The following LRBA variants were observed in gnomAD, a reference collection of about 807,000 sequenced individuals.
The protein encoded by LRBA is lipopolysaccharide-responsive and beige-like anchor protein.
LRBA carries 176 observed loss-of-function variants against 330.0 expected under a neutral mutation model. The ratio of observed to expected loss-of-function variants is 0.53; its 90% CI spans 0.47 to 0.60. LRBA has a LOEUF of 0.60. Among genes scored for constraint, LRBA ranks in the 20% least tolerant of loss-of-function variants. LRBA has a pLI of 0.00. For synonymous variants in LRBA, 1,230 were observed against 1,193.0 expected, an observed-to-expected ratio of 1.03 and a Z score of -0.64; for missense variants, 3,259 against 3,444.8, an observed-to-expected ratio of 0.95 and a Z score of 1.35.
chr4:150,876,067 T>G (rs1456477119), intron 17 of LRBA, among the ~76,000 whole-genome samples: 1 of 152,082 alleles, frequency 6.6e-6, no homozygotes, highest in African/African-American at 2.4e-5. Context: ...AAAACTCACT[T>G]AAGAAATTAC....
intron 17 of LRBA, among the ~76,000 whole-genome samples, chr4:150,874,842 T>C (rs1357219290): frequency 6.6e-6 from 1 of 152,166 alleles, no homozygotes. Flanking sequence ...TGCAGCAAGA[T>C]GCACAGGCAG....
chr4:150,854,727 AAG>A (rs1468784749), intron 22 of LRBA, among the ~76,000 whole-genome samples: 1 of 152,198 alleles, frequency 6.6e-6, no homozygotes, highest in Non-Finnish European at 1.5e-5. Flanking sequence ...GTAAAAAGAA[AAG>A]AGTTTCAGGC....
chr4:150,871,337 A>G lies in LRBA; in HGVS notation c.2367+8T>C. On this transcript the variant is annotated splice_region_variant and intron_variant, in intron 19 of 56. Coordinates refer to ENST00000651943, the MANE Select transcript of LRBA (RefSeq NM_001364905.1). ...ATTTAGAGGAGTAAATCCTAAGTAC[A>G]TTCCTACCTCAAACAGCACATTATA... 6.5e-7 allele frequency: 1 copy of G among 1,528,402 alleles called. No individual in the cohort carries two copies. Among genetic ancestry groups the G allele is most frequent in the Non-Finnish European group, 9.0e-7 (1 of 1,105,120 alleles). The allele number at this position is 1,528,402 out of a possible 1,614,324, so 94.7% of individuals were successfully genotyped here. A position where few individuals can be genotyped will look rare whatever the true frequency, so the allele number is the denominator to read the frequency against.
intron 22 of LRBA, among the ~76,000 whole-genome samples, chr4:150,865,872 C>T (rs1167385600): frequency 2.6e-5 from 4 of 152,038 alleles, no homozygotes; most frequent in South Asian, 2.1e-4. Flanking sequence ...CACGCCACCA[C>T]GCCTGGCTAA....
intron 47 of LRBA, among the ~76,000 whole-genome samples, chr4:150,394,256 T>C (rs1312227461): frequency 6.6e-6 from 1 of 152,198 alleles, no homozygotes; most frequent in East Asian, 1.9e-4. Flanking sequence ...TAGCTAATAC[T>C]GAAGCTCTGG....
intron 37 of LRBA, among the ~76,000 whole-genome samples, chr4:150,617,804 C>T (rs1007462132): frequency 1.3e-5 from 2 of 151,720 alleles, no homozygotes; most frequent in East Asian, 2.0e-4. Flanking sequence ...ATCACAAAGA[C>T]ACATTAAAAT....
intron 40 of LRBA, among the ~76,000 whole-genome samples, chr4:150,500,565 C>T (rs561216894): frequency 2.2e-4 from 34 of 152,090 alleles, no homozygotes; most frequent in Admixed American, 9.2e-4. Context: ...GCAGCAAGAG[C>T]GAGACTCTGT....
chr4:150,585,387 G>A (rs966217767), intron 40 of LRBA, among the ~76,000 whole-genome samples: 21 of 152,084 alleles, frequency 1.4e-4, no homozygotes, highest in African/African-American at 4.8e-4. Flanking sequence ...AAACAAAAAA[G>A]GTTTTCATAC....
At chr4:150,592,144 GTTTTTTTTTT>G (rs10685627) in intron 38 of LRBA, among the ~76,000 whole-genome samples, 5 of 65,190 alleles carry the variant, frequency 7.7e-5, no homozygotes, top group East Asian at 6.4e-4. Context: ...GATGGCTAGG[GTTTTTTTTTT>G]TTTTTTTTTT....
At chr4:150,757,328 A>G (rs1371018080) in intron 35 of LRBA, among the ~76,000 whole-genome samples, 1 of 152,220 alleles carries the variant, frequency 6.6e-6, no homozygotes, top group African/African-American at 2.4e-5. Flanking sequence ...CTAGAACAAC[A>G]TCAGCAGTTT....
chr4:150,617,227 C>T (rs749935885), intron 37 of LRBA, among the ~76,000 whole-genome samples: 1 of 152,186 alleles, frequency 6.6e-6, no homozygotes, highest in Non-Finnish European at 1.5e-5. Flanking sequence ...TATGAACTAT[C>T]TCAAAAAACC....
At chr4:150,867,112 TAAAAA>T (rs202028551) in intron 22 of LRBA, among the ~76,000 whole-genome samples, 2 of 122,772 alleles carry the variant, frequency 1.6e-5, no homozygotes, top group African/African-American at 6.0e-5. Context: ...TGGCTTAATT[TAAAAA>T]AAAAAAAAAA....
chr4:150,977,333 A>G (rs1740299719), intron 2 of LRBA, among the ~76,000 whole-genome samples: 1 of 152,194 alleles, frequency 6.6e-6, no homozygotes, highest in Non-Finnish European at 1.5e-5. Flanking sequence ...TCCAGGTCCC[A>G]GCTCAGTCAT....
At chr4:150,374,597 A>G (rs1311276600) in intron 47 of LRBA, among the ~76,000 whole-genome samples, 3 of 152,226 alleles carry the variant, frequency 2.0e-5, no homozygotes, top group Non-Finnish European at 4.4e-5. Flanking sequence ...AATGCTCCAA[A>G]GTCTGAAATT....
intron 36 of LRBA, among the ~76,000 whole-genome samples, chr4:150,694,913 CT>C (rs902076458): frequency 1.1e-4 from 17 of 150,864 alleles, no homozygotes; most frequent in African/African-American, 3.2e-4. Flanking sequence ...GTTTCAAATG[CT>C]TTTTTTTTCT....
chr4:150,382,641 G>GACC, intron 47 of LRBA, among the ~76,000 whole-genome samples: 1 of 149,360 alleles, frequency 6.7e-6, no homozygotes, highest in Non-Finnish European at 1.5e-5. Flanking sequence ...AAAAAAAGAA[G>GACC]ACCAGGCTCT....
intron 56 of LRBA, among the ~76,000 whole-genome samples, chr4:150,276,333 G>C (rs1468818170): frequency 6.6e-6 from 1 of 152,158 alleles, no homozygotes; most frequent in Non-Finnish European, 1.5e-5. Flanking sequence ...AAAAACCCTA[G>C]AAGGAAACCT....
At chr4:150,415,109 A>T in intron 47 of LRBA, among the ~76,000 whole-genome samples, 1 of 152,218 alleles carries the variant, frequency 6.6e-6, no homozygotes, top group East Asian at 1.9e-4. Flanking sequence ...GGAACACAAA[A>T]TTATGTTCCT....
chr4:150,625,260 C>T (rs1776735381), intron 37 of LRBA, among the ~76,000 whole-genome samples: 1 of 152,074 alleles, frequency 6.6e-6, no homozygotes, highest in African/African-American at 2.4e-5. Flanking sequence ...AAATCTACTA[C>T]AAGCAAATTT....
Sources: gnomAD v4.1 joint callset for allele counts (sites outside exome capture counted in the v4.1 genomes callset) on GRCh38, gnomAD v4.1.1 for gene constraint, MANE v1.5 for transcripts, NCBI Gene and HGNC (gene_info 2026-07-23, HGNC 2026-07-21) for gene names.